Variants in DCAF10 observed in about 807,000 individuals in gnomAD.
DCAF10 encodes DDB1- and CUL4-associated factor 10.
DCAF10 carries 19 observed loss-of-function variants against 51.9 expected under a neutral mutation model. The ratio of observed to expected loss-of-function variants is 0.37; its 90% CI spans 0.26 to 0.54. DCAF10 has a LOEUF of 0.54. Ranked by LOEUF, DCAF10 falls within the 20% of genes least tolerant of loss-of-function variation. The pLI, the probability that DCAF10 is intolerant of heterozygous loss-of-function variation, is 0.87. For missense variants in DCAF10, 510 were observed against 730.6 expected (o/e 0.70, Z 3.48); for synonymous variants, 291 against 297.1 (o/e 0.98, Z 0.21).
intron 2 of DCAF10, among the ~76,000 whole-genome samples, chr9:37,822,401 T>A (rs1463064035): frequency 3.3e-5 from 3 of 90,566 alleles, no homozygotes; most frequent in African/African-American, 4.5e-5. Context: ...ATAAAGAAAC[T>A]GTGATATATA....
rs371178421 is a variant in DCAF10, at chr9:37,835,577, A to G, written c.654-6512A>G. Among the ~76,000 whole-genome samples the G allele has an allele frequency of 2.7e-5, 4 of 146,022 alleles. No individual in the cohort carries two copies. The South Asian group carries it at 8.8e-4, about 32-fold the overall frequency. On this transcript the variant is annotated intron_variant, in intron 2 of 6. Transcript: ENST00000377724. Reference sequence around the variant, plus strand: ...TGGGAGACAGAGTGAGACTCCGTCCAAAAAAAAAAAGTTACCTGGGCGTGG... The same window carrying G: ...TGGGAGACAGAGTGAGACTCCGTCCGAAAAAAAAAAGTTACCTGGGCGTGG...
chr9:37,812,063 C>G (rs1829364671), intron 1 of DCAF10, among the ~76,000 whole-genome samples: 1 of 151,988 alleles, frequency 6.6e-6, no homozygotes, highest in Non-Finnish European at 1.5e-5. Context: ...GCCTGTGGTC[C>G]CAGCTACTCA....
At position 37,829,372 on chromosome 9, in the gene DCAF10, G is replaced by A. The variant is rs576861833; in HGVS notation, c.653+9971G>A. 2.0e-5 allele frequency among the ~76,000 whole-genome samples: 3 copies of A among 152,188 alleles called. No homozygotes were observed. The highest frequency in any genetic ancestry group is 2.0e-4 in the Admixed American group (3 of 15,278). ...GGAGAATCACTTGAACCCGGGAGGC[G>A]GAGGTTGCGGTGAGCCAAGATTGTG... is the stretch of plus-strand genomic sequence containing the variant. On this transcript the variant is annotated intron_variant, in intron 2 of 6. Transcript: ENST00000377724. The surrounding 1 kb of genome is among the most constrained non-coding windows in gnomAD (Gnocchi z 4.2).
At chr9:37,849,707 C>T (rs572660281) in intron 3 of DCAF10, among the ~76,000 whole-genome samples, 30 of 152,182 alleles carry the variant, frequency 2.0e-4, no homozygotes, top group African/African-American at 6.5e-4. Context: ...ATAGTGAAAC[C>T]CCGTGTCTAC....
At chr9:37,828,007 C>G (rs1250126873) in intron 2 of DCAF10, among the ~76,000 whole-genome samples, 3 of 151,944 alleles carry the variant, frequency 2.0e-5, no homozygotes, top group African/African-American at 7.3e-5. Context: ...TTTCAGCCTC[C>G]CGAGTAGCTG....
intron 2 of DCAF10, among the ~76,000 whole-genome samples, chr9:37,841,382 C>T (rs1287227663): frequency 6.6e-6 from 1 of 152,024 alleles, no homozygotes; most frequent in Non-Finnish European, 1.5e-5. Flanking sequence ...TTAAATTAAG[C>T]AAAAATTCAA....
At position 37,801,385 on chromosome 9, in the gene DCAF10, C is replaced by T. The variant is rs148430370; in HGVS notation, c.519C>T (p.Asn173=). Reference sequence around the variant, plus strand: ...CCCGCACCCACGGCGCCGTCTTCAACCTCGAGTACTCGCCCGACGGGTAAG... The same window carrying T: ...CCCGCACCCACGGCGCCGTCTTCAATCTCGAGTACTCGCCCGACGGGTAAG... ...LSTRTHGAVF[N]LEYSPDGSVL... is the part of the protein sequence containing the mutation. Residue 173 remains asparagine, a synonymous_variant, in exon 1 of 7, where the codon AAC becomes AAT. Coordinates refer to ENST00000377724, the MANE Select transcript of DCAF10 (RefSeq NM_024345.5). This position sits in a 1 kb window ranked among gnomAD's most constrained non-coding sequence, Gnocchi z 5.5. 28 of 1,527,884 alleles carry T rather than the reference C, an allele frequency of 1.8e-5. No homozygotes were observed. Among genetic ancestry groups the T allele is most frequent in the African/African-American group, 2.9e-5 (2 of 69,754 alleles). The allele number at this position is 1,527,884 out of a possible 1,614,324, so 94.6% of individuals were successfully genotyped here. A position where few individuals can be genotyped will look rare whatever the true frequency, so the allele number is the denominator to read the frequency against.
intron 1 of DCAF10, among the ~76,000 whole-genome samples, chr9:37,804,184 G>A (rs1428175948): frequency 6.6e-6 from 1 of 150,686 alleles, no homozygotes; most frequent in Non-Finnish European, 1.5e-5. Context: ...ATATGAAAAG[G>A]AGATTTAGTA....
intron 1 of DCAF10, among the ~76,000 whole-genome samples, chr9:37,806,836 A>T (rs1829129305): frequency 6.6e-6 from 1 of 152,206 alleles, no homozygotes; most frequent in East Asian, 1.9e-4. Flanking sequence ...TTATAAATGA[A>T]AATGACTACC....
chr9:37,800,819 G>A lies in DCAF10; in HGVS notation c.-48G>A, dbSNP rs1249205221. 1 of 1,492,732 alleles carries A rather than the reference G, an allele frequency of 6.7e-7. No individual in the cohort carries two copies. Among genetic ancestry groups the A allele is most frequent in the Admixed American group, 2.2e-5 (1 of 45,616 alleles). The allele number at this position is 1,492,732 out of a possible 1,614,324, so 92.5% of individuals were successfully genotyped here. On this transcript the variant is annotated 5_prime_UTR_variant, in exon 1 of 7. Coordinates refer to ENST00000377724, the MANE Select transcript of DCAF10 (RefSeq NM_024345.5). The stretch of plus-strand genomic sequence containing the variant: ...GGCAGCTGAACAGGGGCACTGAGGT[G>A]TCGGCCGGCGGGGCAGTGGCCCGGA...
intron 1 of DCAF10, among the ~76,000 whole-genome samples, chr9:37,816,659 G>GGGGGGGGGGTGTGTGTGTGTGTGT (rs372664140): frequency 6.9e-6 from 1 of 144,982 alleles, no homozygotes; most frequent in Admixed American, 7.0e-5. Flanking sequence ...CTGCACCTGG[G>GGGGGGGGGGTGTGTGTGTGTGTGT]GTGTGTGTGT....
At chr9:37,830,692 ATATGT>A (rs1357845834) in intron 2 of DCAF10, among the ~76,000 whole-genome samples, 1 of 152,190 alleles carries the variant, frequency 6.6e-6, no homozygotes, top group Non-Finnish European at 1.5e-5. Flanking sequence ...TATGTTGCTA[ATATGT>A]TATAATTTAA....
Position 37,854,950 on chromosome 9 carries a change from T to C in DCAF10, c.1022T>C (p.Ile341Thr). Residue 341 changes from isoleucine (I) to threonine (T), a missense_variant, in exon 4 of 7, where the codon ATT (isoleucine) becomes ACT (threonine). Around this residue, in one of 4 missense-constraint regions of DCAF10, gnomAD observed 126 missense variants for 271.5 expected, o/e 0.46. Coordinates refer to ENST00000377724, the MANE Select transcript of DCAF10 (RefSeq NM_024345.5). ...TCTTTAGAAGTAGGCAGCTATCCCA[T>C]TTTAAGAGCAAGAAGAACTACTTCA... ...TKSLEVGSYP[I>T]LRARRTTSSS... 1 of 1,612,326 alleles carries C rather than the reference T, an allele frequency of 6.2e-7. No homozygotes were observed. The highest frequency in any genetic ancestry group is 8.5e-7 in the Non-Finnish European group (1 of 1,179,552).
chr9:37,850,878 A>ATATATG (rs1830629688), intron 3 of DCAF10, among the ~76,000 whole-genome samples: 2 of 94,044 alleles, frequency 2.1e-5, no homozygotes, highest in African/African-American at 8.3e-5. Flanking sequence ...ATATATATAT[A>ATATATG]TATAAATTAG....
At position 37,801,437 on chromosome 9, in the gene DCAF10, G is replaced by A; in HGVS notation, c.539+32G>A. On this transcript the variant is annotated intron_variant, in intron 1 of 6. Transcript: ENST00000377724. The surrounding 1 kb of genome is among the most constrained non-coding windows in gnomAD (Gnocchi z 5.5). Reference sequence around the variant, plus strand: ...GCGGCCCCTCGGAGGGCGGGCGCCCGCCTCCGCCCGGCTCTGCTGCCAGCG... The same window carrying A: ...GCGGCCCCTCGGAGGGCGGGCGCCCACCTCCGCCCGGCTCTGCTGCCAGCG... The A allele has an allele frequency of 7.1e-7, 1 of 1,407,828 alleles. No homozygotes were observed. The highest frequency in any genetic ancestry group is 3.2e-5 in the Admixed American group (1 of 31,012). 87.2% of individuals were successfully genotyped at this position (1,407,828 alleles called of 1,614,324 possible).
chr9:37,821,438 T>C (rs1829697784), intron 2 of DCAF10, among the ~76,000 whole-genome samples: 1 of 152,158 alleles, frequency 6.6e-6, no homozygotes, highest in Non-Finnish European at 1.5e-5. Context: ...GCTAGAACTC[T>C]TAGAAATTAA....
chr9:37,844,857 G>C (rs1051995957), intron 3 of DCAF10, among the ~76,000 whole-genome samples: 1 of 151,996 alleles, frequency 6.6e-6, no homozygotes, highest in Non-Finnish European at 1.5e-5. Flanking sequence ...AATGGATAAG[G>C]CTGTGGAAGA....
In DCAF10 at chr9:37,863,585, T is replaced by C. The variant is rs571692166; in HGVS notation, c.*2077T>C. The C allele has an allele frequency of 5.3e-5, 8 of 152,326 alleles. No individual in the cohort carries two copies. The highest frequency in any genetic ancestry group is 1.9e-4 in the African/African-American group (8 of 41,568). 9.4% of individuals were successfully genotyped at this position (152,326 alleles called of 1,614,324 possible). On this transcript the variant is annotated 3_prime_UTR_variant, in exon 7 of 7. Transcript: ENST00000377724. ...CTAATTCCTTGGTCAGGGCAATTTCTACTGTGTTATGCTGTCTGTTAGAAA... is the reference window on the plus strand; with the variant it reads ...CTAATTCCTTGGTCAGGGCAATTTCCACTGTGTTATGCTGTCTGTTAGAAA...
chr9:37,842,052 T>G, intron 2 of DCAF10, 37 bp from the exon 3 acceptor site: 1 of 1,578,234 alleles, frequency 6.3e-7, no homozygotes. Flanking sequence ...TAAAAAGAGA[T>G]TAAATGAACC....
Sources: gnomAD v4.1 joint callset for allele counts (sites outside exome capture counted in the v4.1 genomes callset) on GRCh38, gnomAD v4.1.1 for gene constraint, gnomAD v4.1.1 regional missense constraint, Gnocchi (gnomAD v3.1) non-coding constraint, MANE v1.5 for transcripts, NCBI Gene and HGNC (gene_info 2026-07-23, HGNC 2026-07-21) for gene names.